The following UNC80 variants were observed in gnomAD, a reference collection of about 807,000 sequenced individuals.
The protein encoded by UNC80 is unc-80 subunit of NALCN channel complex.
In UNC80, 164 loss-of-function variants were observed where a neutral mutation model predicts 384.6. The ratio of observed to expected loss-of-function variants is 0.43; its 90% CI spans 0.38 to 0.49. The LOEUF (loss-of-function observed/expected upper bound fraction) is 0.49, where lower values mean the gene tolerates loss of function less well. Among genes scored for constraint, UNC80 ranks in the 20% least tolerant of loss-of-function variants. The pLI, the probability that UNC80 is intolerant of heterozygous loss-of-function variation, is 0.00. For missense variants in UNC80, 3,330 were observed against 4,143.0 expected (o/e 0.80, Z 5.39); for synonymous variants, 1,486 against 1,527.8 (o/e 0.97, Z 0.64).
intron 33 of UNC80, among the ~76,000 whole-genome samples, chr2:209,919,743 A>G (rs1471600583): frequency 6.6e-6 from 1 of 152,148 alleles, no homozygotes; most frequent in African/African-American, 2.4e-5. Flanking sequence ...ACCTTGCCAA[A>G]GAGAAATACA....
chr2:209,817,224 C>T lies in UNC80; in HGVS notation c.1552+99C>T, dbSNP rs887419347. The T allele has an allele frequency of 2.5e-6, 3 of 1,198,962 alleles. No individual in the cohort carries two copies. The African/African-American group carries it at 4.6e-5, about 18-fold the overall frequency. The allele number at this position is 1,198,962 out of a possible 1,614,324, so 74.3% of individuals were successfully genotyped here. ...AAATCTGAATCTTTCTTGAACAATT[C>T]AGCCAAGAAATTTGGGGCTCAAATT... is the stretch of plus-strand genomic sequence containing the variant. On this transcript the variant is annotated intron_variant, in intron 10 of 64. Transcript: ENST00000673920.
chr2:209,790,589 G>C (rs1574456598), intron 6 of UNC80, among the ~76,000 whole-genome samples: 1 of 152,138 alleles, frequency 6.6e-6, no homozygotes. Context: ...GTCATTTCCA[G>C]CATCTAAATT....
intron 22 of UNC80, among the ~76,000 whole-genome samples, chr2:209,870,798 A>G (rs916666469): frequency 6.6e-6 from 1 of 152,204 alleles, no homozygotes. Flanking sequence ...CCAAAAATGT[A>G]AAGTAACCAG....
chr2:209,886,687 C>T (rs981826546), intron 25 of UNC80, among the ~76,000 whole-genome samples: 1 of 152,068 alleles, frequency 6.6e-6, no homozygotes, highest in Non-Finnish European at 1.5e-5. Context: ...GAGCCTCTGG[C>T]CTTCATGCAT....
chr2:209,792,628 T>TGAGCCACC lies in UNC80; in HGVS notation c.799-1090_799-1083dup, dbSNP rs760589067. 1.7e-4 allele frequency among the ~76,000 whole-genome samples: 26 copies of TGAGCCACC among 152,300 alleles called. No individual in the cohort carries two copies. The East Asian group carries it at 3.9e-3, about 23-fold the overall frequency. ...TCCCAAAGTGCTAGGATTACAGGCATGAGCCACCGCGCCCGGTTCCATCTT... is the reference window on the plus strand; with the variant it reads ...TCCCAAAGTGCTAGGATTACAGGCATGAGCCACCGAGCCACCGCGCCCGGTTCCATCTT... On this transcript the variant is annotated intron_variant, in intron 6 of 64. Transcript: ENST00000673920.
chr2:209,919,066 T>C (rs1286694182), intron 33 of UNC80, among the ~76,000 whole-genome samples: 1 of 152,202 alleles, frequency 6.6e-6, no homozygotes, highest in East Asian at 1.9e-4. Context: ...TGTTTGAACC[T>C]TAGTTTATTC....
intron 23 of UNC80, among the ~76,000 whole-genome samples, chr2:209,875,310 G>T (rs1312614838): frequency 6.6e-6 from 1 of 152,084 alleles, no homozygotes; most frequent in African/African-American, 2.4e-5. Context: ...AAACTGCTTA[G>T]CCTGCCATCA....
chr2:209,915,544 G>C (rs1043768555), intron 31 of UNC80, among the ~76,000 whole-genome samples: 11 of 152,084 alleles, frequency 7.2e-5, no homozygotes, highest in African/African-American at 2.7e-4. Flanking sequence ...TTAGAAAGGT[G>C]AGTGGGACTC....
intron 35 of UNC80, among the ~76,000 whole-genome samples, chr2:209,924,881 T>G (rs1337705312): frequency 6.6e-6 from 1 of 151,912 alleles, no homozygotes; most frequent in African/African-American, 2.4e-5. Flanking sequence ...TCCATGGGGT[T>G]CTAGATAGGT....
chr2:209,930,928 G>T (rs2090811733), intron 37 of UNC80, 40 bp from the exon 38 acceptor site: 1 of 1,369,082 alleles, frequency 7.3e-7, no homozygotes. Flanking sequence ...CTACAGCATG[G>T]CAGCTGAAGG....
intron 31 of UNC80, among the ~76,000 whole-genome samples, 174 bp from the exon 32 acceptor site, chr2:209,917,603 A>G (rs900835236): frequency 6.6e-6 from 1 of 152,212 alleles, no homozygotes; most frequent in Non-Finnish European, 1.5e-5. Context: ...CGCACCAGCT[A>G]TTGGAAGGTT....
At position 209,793,686 on chromosome 2, in the gene UNC80, A is replaced by C; in HGVS notation, c.799-34A>C. On this transcript the variant is annotated intron_variant, in intron 6 of 64. Transcript: ENST00000673920. ...TACAGGGGAAAACAAAAAACAAAAA[A>C]CAAAACCTAATCTGCTATCTCTGCC... The C allele has an allele frequency of 1.9e-6, 3 of 1,607,516 alleles. No homozygotes were observed. In the South Asian group the frequency reaches 3.3e-5, roughly 18 times the overall value.
At chr2:209,820,708 A>C in intron 13 of UNC80, 29 bp downstream of exon 13, 2 of 1,486,992 alleles carry the variant, frequency 1.3e-6, no homozygotes, top group Non-Finnish European at 1.8e-6. Flanking sequence ...ATGTGTCCTC[A>C]TGAAATGTCA....
chr2:209,790,907 C>T (rs1444993041), intron 6 of UNC80, among the ~76,000 whole-genome samples: 1 of 152,062 alleles, frequency 6.6e-6, no homozygotes, highest in African/African-American at 2.4e-5. Flanking sequence ...AGTAACATGT[C>T]CTAGTTTAAT....
chr2:209,792,643 G>A (rs1398190159), intron 6 of UNC80, among the ~76,000 whole-genome samples: 1 of 152,114 alleles, frequency 6.6e-6, no homozygotes, highest in South Asian at 2.1e-4. Flanking sequence ...CACCGCGCCC[G>A]GTTCCATCTT....
intron 33 of UNC80, among the ~76,000 whole-genome samples, chr2:209,919,167 G>A (rs1458966434): frequency 1.3e-5 from 2 of 151,868 alleles, no homozygotes; most frequent in Non-Finnish European, 2.9e-5. Context: ...ACTCATAAAC[G>A]GTCAGATTTA....
At position 209,786,180 on chromosome 2, in the gene UNC80, A is replaced by T. The variant is rs753785496; in HGVS notation, c.715A>T (p.Ile239Phe). Residue 239 changes from isoleucine (I) to phenylalanine (F), a missense_variant, in exon 5 of 65, where the codon ATC becomes TTC. Transcript: ENST00000673920. ...CGCACTGGTGAAGCCCATCAGGAACATCATTACAGGTTTGTAACTTGGACA... is the reference window on the plus strand; with the variant it reads ...CGCACTGGTGAAGCCCATCAGGAACTTCATTACAGGTTTGTAACTTGGACA... ...FTALVKPIRN[I>F]ITAKRSSPIN... The T allele has an allele frequency of 6.2e-7, 1 of 1,613,878 alleles. No homozygotes were observed. The highest frequency in any genetic ancestry group is 1.1e-5 in the South Asian group (1 of 91,016).
At chr2:209,882,839 T>G (rs1438180828) in intron 25 of UNC80, among the ~76,000 whole-genome samples, 1 of 152,212 alleles carries the variant, frequency 6.6e-6, no homozygotes, top group Non-Finnish European at 1.5e-5. Flanking sequence ...GTTATTTTTG[T>G]TTTCCCTATC....
intron 59 of UNC80, among the ~76,000 whole-genome samples, chr2:209,979,031 C>A (rs1204661148): frequency 1.3e-5 from 2 of 152,152 alleles, no homozygotes; most frequent in Non-Finnish European, 2.9e-5. Flanking sequence ...GGTGGATCAC[C>A]TGAGGTCAGG....
Sources: allele counts gnomAD v4.1 joint callset (sites outside exome capture counted in the v4.1 genomes callset), GRCh38; gene constraint gnomAD v4.1.1; transcripts MANE v1.5; gene names NCBI Gene and HGNC (gene_info 2026-07-23, HGNC 2026-07-21).